Variants in FHL2 observed in about 807,000 individuals in gnomAD.
FHL2 encodes four and a half LIM domains protein 2.
In FHL2, 20 loss-of-function variants were observed where a neutral mutation model predicts 32.7. The ratio of observed to expected loss-of-function variants is 0.61; its 90% CI spans 0.43 to 0.89. The LOEUF is 0.89. FHL2 is among the 40% of genes least tolerant of loss of function. The pLI is 0.00. For synonymous variants in FHL2, 123 were observed against 128.1 expected (o/e 0.96, Z 0.27); for missense variants, 311 against 358.6 (o/e 0.87, Z 1.07).
chr2:105,421,366 G>A (rs1260851148), intron 1 of FHL2, among the ~76,000 whole-genome samples: 1 of 152,200 alleles, frequency 6.6e-6, no homozygotes, highest in Non-Finnish European at 1.5e-5. Context: ...TCACTGGAGT[G>A]TAGATGCTGG....
intron 3 of FHL2, chr2:105,386,144 CA>C (rs1682291081): frequency 2.0e-6 from 1 of 495,796 alleles, no homozygotes; most frequent in Non-Finnish European, 3.5e-6. Flanking sequence ...ATACTAAGCA[CA>C]AAAGTCCTGG....
intron 2 of FHL2, among the ~76,000 whole-genome samples, chr2:105,392,458 C>T: frequency 6.6e-6 from 1 of 151,790 alleles, no homozygotes; most frequent in Non-Finnish European, 1.5e-5. Context: ...AAGGAAACAG[C>T]CTCATGGTGA....
chr2:105,392,768 T>G, intron 2 of FHL2, among the ~76,000 whole-genome samples: 2 of 140,888 alleles, frequency 1.4e-5, no homozygotes, highest in African/African-American at 2.6e-5. Flanking sequence ...GGAGGGTAAA[T>G]GAAATGAGGC....
At chr2:105,371,828 T>C (rs1681098586) in intron 4 of FHL2, among the ~76,000 whole-genome samples, 1 of 152,168 alleles carries the variant, frequency 6.6e-6, no homozygotes. Context: ...TCGTGGTTCT[T>C]ATTGTTACTG....
intron 1 of FHL2, among the ~76,000 whole-genome samples, chr2:105,433,351 T>G (rs1316161307): frequency 6.6e-6 from 1 of 151,938 alleles, no homozygotes; most frequent in Non-Finnish European, 1.5e-5. Context: ...CAGCTAATTT[T>G]GGTATTTTTT....
At chr2:105,399,419 G>C (rs1459339892), upstream of FHL2, 2 of 1,536,180 alleles carry the variant, frequency 1.3e-6, no homozygotes, top group Admixed American at 3.9e-5. Context: ...GGACGTGCCG[G>C]GGGAGGCGGA....
intron 1 of FHL2, 89 bp downstream of exon 1, chr2:105,398,753 T>C: frequency 6.5e-6 from 7 of 1,079,524 alleles, no homozygotes; most frequent in South Asian, 5.2e-5. Flanking sequence ...ACCCCACAGC[T>C]CAACTCCTTT....
upstream of FHL2, chr2:105,399,068 C>G: frequency 6.7e-7 from 1 of 1,491,116 alleles, no homozygotes; most frequent in Non-Finnish European, 8.9e-7. Context: ...CTGCGCAGCT[C>G]CCGCCCTCGA....
chr2:105,373,794 A>AT, intron 3 of FHL2, 61 bp from the exon 4 acceptor site: 1 of 1,574,586 alleles, frequency 6.4e-7, no homozygotes, highest in Non-Finnish European at 8.7e-7. Context: ...GACCCACAGC[A>AT]TAGGGGCCCC....
chr2:105,388,829 G>C (rs923447225), intron 2 of FHL2, among the ~76,000 whole-genome samples: 2 of 128,546 alleles, frequency 1.6e-5, no homozygotes, highest in Admixed American at 1.5e-4. Context: ...GCGAGACTCC[G>C]TCTCAAAAAA....
At position 105,396,712 on chromosome 2, in the gene FHL2, C is replaced by G. The variant is rs571689781; in HGVS notation, c.-75-15G>C. The stretch of plus-strand genomic sequence containing the variant: ...GTTCTCAGCCACTAGAGAAAGCACA[C>G]GTGTTTTGTTTCAGATGGTCATCTT... On this transcript the variant is annotated splice_polypyrimidine_tract_variant and intron_variant, in intron 1 of 6. Transcript: ENST00000530340. 2.5e-6 allele frequency: 4 copies of G among 1,612,122 alleles called. No individual in the cohort carries two copies. In the African/African-American group the frequency reaches 5.3e-5, roughly 21 times the overall value.
intron 1 of FHL2, among the ~76,000 whole-genome samples, chr2:105,426,264 T>C (rs767521156): frequency 6.6e-6 from 1 of 152,196 alleles, no homozygotes; most frequent in Non-Finnish European, 1.5e-5. Flanking sequence ...AAAGGCAATG[T>C]GCATTCTGTC....
intron 5 of FHL2, among the ~76,000 whole-genome samples, chr2:105,366,577 A>G (rs921798323): frequency 1.3e-5 from 2 of 152,204 alleles, no homozygotes; most frequent in Non-Finnish European, 2.9e-5. Flanking sequence ...GCGTGTGTCT[A>G]AGAGTCAGAG....
At chr2:105,410,576 G>A (rs905824116) in intron 1 of FHL2, among the ~76,000 whole-genome samples, 1 of 152,134 alleles carries the variant, frequency 6.6e-6, no homozygotes, top group Non-Finnish European at 1.5e-5. Context: ...CTAAAGTTTT[G>A]ACTGCTAATC....
At position 105,367,735 on chromosome 2, in the gene FHL2, G is replaced by C. The variant is rs140501334; in HGVS notation, c.336C>G (p.Thr112=). 15 of 1,613,468 alleles carry C rather than the reference G, an allele frequency of 9.3e-6. No individual in the cohort carries two copies. In the East Asian group the frequency reaches 3.3e-4, roughly 36 times the overall value. Residue 112 remains threonine (T), a synonymous_variant, in exon 5 of 7, where the codon ACC becomes ACG. Coordinates refer to ENST00000530340, the MANE Select transcript of FHL2 (RefSeq NM_001318895.3). ...QECKKTIMPG[T]RKMEYKGSSW... ...TGCTGCCCTTGTACTCCATCTTGCG[G>C]GTACCTGTCATCAGGGTCAAGAGGA...
intron 2 of FHL2, among the ~76,000 whole-genome samples, chr2:105,394,414 A>AG (rs1200349535): frequency 6.6e-6 from 1 of 151,916 alleles, no homozygotes; most frequent in East Asian, 1.9e-4. Flanking sequence ...AAAAAAAAAA[A>AG]AAATTTATAT....
downstream of FHL2, chr2:105,360,159 G>A (rs1192803434): frequency 6.6e-6 from 1 of 151,900 alleles, no homozygotes; most frequent in African/African-American, 2.4e-5. Flanking sequence ...AAATTAGCCG[G>A]GCATAATGGT....
chr2:105,393,819 C>G (rs1328486128), intron 2 of FHL2, among the ~76,000 whole-genome samples: 2 of 152,246 alleles, frequency 1.3e-5, no homozygotes, highest in Non-Finnish European at 2.9e-5. Context: ...GCCCTCGTCC[C>G]TCCTTCCAGA....
intron 1 of FHL2, among the ~76,000 whole-genome samples, chr2:105,409,434 G>A (rs965982733): frequency 2.0e-5 from 3 of 152,322 alleles, no homozygotes; most frequent in South Asian, 2.1e-4. Context: ...GGCATTGCAA[G>A]CCCAGCAAGA....
Sources: allele counts gnomAD v4.1 joint callset (sites outside exome capture counted in the v4.1 genomes callset), GRCh38; gene constraint gnomAD v4.1.1; transcripts MANE v1.5; gene names NCBI Gene and HGNC (gene_info 2026-07-23, HGNC 2026-07-21).